The following LILRA1 variants were observed in gnomAD, a reference collection of about 807,000 sequenced individuals.
LILRA1 encodes leukocyte immunoglobulin-like receptor subfamily A member 1.
A neutral mutation model predicts 51.6 loss-of-function variants in LILRA1; 51 were observed. The ratio of observed to expected loss-of-function variants is 0.99; its 90% CI spans 0.79 to 1.25. The LOEUF is 1.25. Among genes scored for constraint, LILRA1 ranks in the 50% most tolerant of loss-of-function variants. The pLI is 0.00. For missense variants in LILRA1, 660 were observed against 611.7 expected, an observed-to-expected ratio of 1.08 and a Z score of -0.83; for synonymous variants, 305 against 248.4, an observed-to-expected ratio of 1.23 and a Z score of -2.14.
At position 54,596,369 on chromosome 19, in the gene LILRA1, C is replaced by T; in HGVS notation, c.1139C>T (p.Ala380Val). 1.2e-6 allele frequency: 2 copies of T among 1,614,108 alleles called. No individual in the cohort carries two copies. The highest frequency in any genetic ancestry group is 1.6e-4 in the Middle Eastern group (1 of 6,062). The change falls in exon 7 of 10, where the codon GCT (alanine) becomes GTT (valine). Residue 380 changes from alanine to valine, a missense_variant. Coordinates refer to ENST00000251372, the MANE Select transcript of LILRA1 (RefSeq NM_006863.4). The part of the protein sequence containing the change: ...RSIHEYPKYQ[A>V]EFPMSPVTSA... ...ATACACGAATATCCTAAGTACCAGGCTGAATTCCCTATGAGTCCTGTGACC... is the reference window on the plus strand; with the variant it reads ...ATACACGAATATCCTAAGTACCAGGTTGAATTCCCTATGAGTCCTGTGACC...
intron 4 of LILRA1, 33 bp from the exon 5 acceptor site, chr19:54,595,067 C>A: frequency 6.2e-7 from 1 of 1,604,318 alleles, no homozygotes; most frequent in Non-Finnish European, 8.5e-7. Flanking sequence ...GAGGTGTGAG[C>A]CCCATTTAAC....
intron 7 of LILRA1, among the ~76,000 whole-genome samples, chr19:54,598,719 A>G (rs1156542396): frequency 6.6e-6 from 1 of 152,226 alleles, no homozygotes; most frequent in Non-Finnish European, 1.5e-5. Context: ...CGTTTTAAAA[A>G]ATGTAAAGGA....
In LILRA1 at chr19:54,595,342, G is replaced by T. The variant is rs754704367; in HGVS notation, c.601G>T (p.Asp201Tyr). ...GTGGTCGTACAGGTGCTATGCTTAT[G>T]ACTCGAACTCTCCCCATGTGTGGTC... Reference protein sequence around the residue: ...RRWSYRCYAYDSNSPHVWSLP... With the variant: ...RRWSYRCYAYYSNSPHVWSLP... The change falls in exon 5 of 10, where the codon GAC (aspartate) becomes TAC (tyrosine). Residue 201 changes from aspartate (D) to tyrosine (Y), a missense_variant. Asp to Tyr is a radical substitution (Grantham distance 160). Coordinates refer to ENST00000251372, the MANE Select transcript of LILRA1 (RefSeq NM_006863.4). 3 of 1,614,088 alleles carry T rather than the reference G, an allele frequency of 1.9e-6. No homozygotes were observed. Among genetic ancestry groups the T allele is most frequent in the Non-Finnish European group, 2.5e-6 (3 of 1,179,956 alleles).
intron 3 of LILRA1, 47 bp from the exon 4 acceptor site, chr19:54,594,618 T>C (rs768254003): frequency 7.5e-6 from 12 of 1,607,686 alleles, no homozygotes; most frequent in Non-Finnish European, 1.0e-5. Flanking sequence ...AGCTGAGATA[T>C]GTTGGGTGGG....
At position 54,596,454 on chromosome 19, in the gene LILRA1, G is replaced by A. The variant is rs890687005; in HGVS notation, c.1224G>A (p.Leu408=). The A allele has an allele frequency of 1.2e-6, 2 of 1,614,156 alleles. No individual in the cohort carries two copies. The highest frequency in any genetic ancestry group is 1.7e-5 in the Admixed American group (1 of 60,024). ...CACTCAGCTCCAACCCCTACCTGCT[G>A]TCTCACCCCAGTGACTCCCTGGAGC... ...YGSLSSNPYL[L]SHPSDSLELM... is the part of the protein sequence containing the mutation. The change falls in exon 7 of 10, where the codon CTG becomes CTA. Residue 408 remains leucine, a synonymous_variant. Coordinates refer to ENST00000251372, the MANE Select transcript of LILRA1 (RefSeq NM_006863.4).
rs1471200878 is a variant in LILRA1, at chr19:54,596,590, G to A, written c.1261+99G>A. ...CACTAAGAAAAGAGGGGAGTTGGCTGGGCACGGTGGCTTACACCTGTAATC... is the reference window on the plus strand; with the variant it reads ...CACTAAGAAAAGAGGGGAGTTGGCTAGGCACGGTGGCTTACACCTGTAATC... On this transcript the variant is annotated intron_variant, in intron 7 of 9. Coordinates refer to ENST00000251372, the MANE Select transcript of LILRA1 (RefSeq NM_006863.4). The A allele has an allele frequency of 2.0e-6, 3 of 1,525,820 alleles. No homozygotes were observed. In the Admixed American group the frequency reaches 5.8e-5, roughly 29 times the overall value. The allele number at this position is 1,525,820 out of a possible 1,614,324, so 94.5% of individuals were successfully genotyped here.
chr19:54,600,296 C>T (rs919660298), intron 8 of LILRA1, among the ~76,000 whole-genome samples: 8 of 152,132 alleles, frequency 5.3e-5, no homozygotes, highest in African/African-American at 1.9e-4. Context: ...TGCAGGAAAA[C>T]GCCCTCCCCA....
Position 54,595,096 on chromosome 19 carries a change from C to T in LILRA1, c.359-4C>T. 1 of 1,612,214 alleles carries T rather than the reference C, an allele frequency of 6.2e-7. No homozygotes were observed. Among genetic ancestry groups the T allele is most frequent in the Non-Finnish European group, 8.5e-7 (1 of 1,178,812 alleles). ...ATTTAACATGGTGCCTCCTTCTCTC[C>T]TAGGAGCCTACATCAAACCCACCCT... is the stretch of plus-strand genomic sequence containing the variant. On this transcript the variant is annotated splice_polypyrimidine_tract_variant and splice_region_variant and intron_variant, in intron 4 of 9. Transcript: ENST00000251372.
intron 6 of LILRA1, 36 bp downstream of exon 6, chr19:54,595,971 C>T (rs1339645684): frequency 6.2e-7 from 1 of 1,608,800 alleles, no homozygotes; most frequent in South Asian, 1.1e-5. Context: ...GGGACACAGG[C>T]TCCGCACAGG....
At chr19:54,594,576 T>A in intron 3 of LILRA1, 89 bp from the exon 4 acceptor site, 1 of 1,611,400 alleles carries the variant, frequency 6.2e-7, no homozygotes, top group South Asian at 1.1e-5. Flanking sequence ...CTGGACTGAC[T>A]GATGGGGGCA....
chr19:54,597,276 T>A (rs148522824), intron 7 of LILRA1, among the ~76,000 whole-genome samples: 2 of 152,272 alleles, frequency 1.3e-5, no homozygotes, highest in African/African-American at 4.8e-5. Flanking sequence ...AAGGGTGTGG[T>A]CTGCATGGCT....
In LILRA1 at chr19:54,601,076, T is replaced by C; in HGVS notation, c.*259T>C. ...TTGACTTCCCTTGGTTGGATCCTCT[T>C]CTTTCCCCACCCCCAGACAGACATG... On this transcript the variant is annotated 3_prime_UTR_variant, in exon 10 of 10. Transcript: ENST00000251372. 1.8e-6 allele frequency: 1 copy of C among 551,724 alleles called. No homozygotes were observed. Among genetic ancestry groups the C allele is most frequent in the Non-Finnish European group, 3.2e-6 (1 of 308,094 alleles). 34.2% of individuals were successfully genotyped at this position (551,724 alleles called of 1,614,324 possible).
intron 2 of LILRA1, 21 bp downstream of exon 2, chr19:54,594,299 G>A (rs372656455): frequency 6.2e-7 from 1 of 1,612,800 alleles, no homozygotes; most frequent in African/African-American, 1.3e-5. Context: ...AAGAGGGAGG[G>A]GAGCTTCTAA....
rs1170844916 is a variant in LILRA1, at chr19:54,601,230, A to G, written c.*413A>G. The G allele has an allele frequency of 4.8e-6, 1 of 206,720 alleles. No individual in the cohort carries two copies. Among genetic ancestry groups the G allele is most frequent in the Non-Finnish European group, 9.8e-6 (1 of 102,028 alleles). The allele number at this position is 206,720 out of a possible 1,614,324, so 12.8% of individuals were successfully genotyped here. A position where few individuals can be genotyped will look rare whatever the true frequency, so the allele number is the denominator to read the frequency against. ...CCCTGGTGTGCTTTACTGAGCCTCC[A>G]TCTCTTCAATTCAGAGTTCCAAACG... is the stretch of plus-strand genomic sequence containing the variant. On this transcript the variant is annotated 3_prime_UTR_variant, in exon 10 of 10. Transcript: ENST00000251372.
In LILRA1 at chr19:54,594,357, C is replaced by T. The variant is rs1600259550; in HGVS notation, c.34+79C>T. On this transcript the variant is annotated intron_variant, in intron 2 of 9. Transcript: ENST00000251372. ...AGCCGACCTCTAGTCCCTAAGGAGA[C>T]CCCAGGGGCTCACAAAGATCCCAGG... is the stretch of plus-strand genomic sequence containing the variant. The T allele has an allele frequency of 4.3e-6, 7 of 1,614,044 alleles. No individual in the cohort carries two copies. In the East Asian group the frequency reaches 1.6e-4, roughly 36 times the overall value.
rs2063154226 is a variant in LILRA1 at position 54,601,067 on chromosome 19, G to A, written c.*250G>A. 1.8e-6 allele frequency: 1 copy of A among 568,090 alleles called. No homozygotes were observed. Among genetic ancestry groups the A allele is most frequent in the South Asian group, 2.1e-5 (1 of 48,714 alleles). 35.2% of individuals were successfully genotyped at this position (568,090 alleles called of 1,614,324 possible). A position where few individuals can be genotyped will look rare whatever the true frequency, so the allele number is the denominator to read the frequency against. On this transcript the variant is annotated 3_prime_UTR_variant, in exon 10 of 10. Transcript: ENST00000251372. ...CTATTAATGTTGACTTCCCTTGGTT[G>A]GATCCTCTTCTTTCCCCACCCCCAG...
At chr19:54,594,553 G>C in intron 3 of LILRA1, 77 bp downstream of exon 3, 1 of 1,613,778 alleles carries the variant, frequency 6.2e-7, no homozygotes, top group Non-Finnish European at 8.5e-7. Context: ...GCTGGGGATG[G>C]GGAATAGCAG....
chr19:54,598,303 AT>A (rs1175852054), intron 7 of LILRA1, among the ~76,000 whole-genome samples: 1 of 152,082 alleles, frequency 6.6e-6, no homozygotes, highest in Non-Finnish European at 1.5e-5. Flanking sequence ...TTGGGGCTTG[AT>A]TTAATTTATA....
Position 54,595,814 on chromosome 19 carries a change from G to A in LILRA1, c.837G>A (p.Gln279=). The A allele has an allele frequency of 6.2e-7, 1 of 1,614,214 alleles. No individual in the cohort carries two copies. Among genetic ancestry groups the A allele is most frequent in the African/African-American group, 1.3e-5 (1 of 75,062 alleles). Residue 279 remains glutamine (Q), a synonymous_variant, in exon 6 of 10, where the codon CAG becomes CAA. Coordinates refer to ENST00000251372, the MANE Select transcript of LILRA1 (RefSeq NM_006863.4). ...PGPQPQAGLS[Q]ANFTLGPVSR... ...CACAGCCCCAGGCTGGGCTCTCCCA[G>A]GCCAACTTCACCCTGGGCCCTGTGA...
Sources: allele counts gnomAD v4.1 joint callset (sites outside exome capture counted in the v4.1 genomes callset), GRCh38; gene constraint gnomAD v4.1.1; transcripts MANE v1.5; gene names NCBI Gene and HGNC (gene_info 2026-07-23, HGNC 2026-07-21).